The following DGKB variants were observed in gnomAD, a reference collection of about 807,000 sequenced individuals.
The protein encoded by DGKB is 90 kDa diacylglycerol kinase.
DGKB carries 67 observed loss-of-function variants against 114.3 expected under a neutral mutation model. The observed-to-expected ratio is 0.59, with a 90% CI of 0.48 to 0.72. The LOEUF (loss-of-function observed/expected upper bound fraction) is 0.72, where lower values mean the gene tolerates loss of function less well. Ranked by LOEUF, DGKB falls within the 30% of genes least tolerant of loss-of-function variation. The pLI is 0.00. For synonymous variants in DGKB, 398 were observed against 323.1 expected, an observed-to-expected ratio of 1.23 and a Z score of -2.49; for missense variants, 907 against 975.2, an observed-to-expected ratio of 0.93 and a Z score of 0.93.
intron 1 of DGKB, among the ~76,000 whole-genome samples, chr7:14,964,550 A>G (rs1787044091): frequency 6.6e-6 from 1 of 152,150 alleles, no homozygotes; most frequent in South Asian, 2.1e-4. Flanking sequence ...AGTATTACAG[A>G]CAGAATTTAG....
At chr7:14,261,283 T>C (rs1292054911) in intron 23 of DGKB, among the ~76,000 whole-genome samples, 4 of 152,030 alleles carry the variant, frequency 2.6e-5, no homozygotes, top group East Asian at 1.9e-4. Flanking sequence ...TTTTGTATCA[T>C]AGAAATAAAA....
chr7:14,737,339 G>C (rs1256544761), intron 4 of DGKB, among the ~76,000 whole-genome samples: 1 of 137,362 alleles, frequency 7.3e-6, no homozygotes, highest in Non-Finnish European at 1.5e-5. Context: ...TGAGATGCAA[G>C]AGGAAATTTG....
intron 1 of DGKB, among the ~76,000 whole-genome samples, chr7:14,935,505 A>C (rs1052560840): frequency 6.6e-6 from 1 of 152,184 alleles, no homozygotes; most frequent in African/African-American, 2.4e-5. Flanking sequence ...CCTTTTCATT[A>C]GTTATTTTCA....
chr7:14,345,541 AG>A (rs1219134225), intron 21 of DGKB, 150 bp from the exon 22 acceptor site: 1 of 539,522 alleles, frequency 1.9e-6, no homozygotes, highest in African/African-American at 1.9e-5. Context: ...TAATTTTCAA[AG>A]CTTAAATGTG....
chr7:14,910,572 TTAAC>T (rs1330942350), intron 1 of DGKB, among the ~76,000 whole-genome samples: 1 of 152,130 alleles, frequency 6.6e-6, no homozygotes, highest in African/African-American at 2.4e-5. Context: ...AACACCTTAT[TTAAC>T]TATTATAACT....
At chr7:14,753,474 T>G (rs1834402389) in intron 4 of DGKB, among the ~76,000 whole-genome samples, 1 of 151,820 alleles carries the variant, frequency 6.6e-6, no homozygotes, top group Admixed American at 6.6e-5. Context: ...TGCTTATGTT[T>G]CCCCCACATA....
At chr7:14,767,714 C>A (rs552963126) in intron 2 of DGKB, among the ~76,000 whole-genome samples, 2 of 151,642 alleles carry the variant, frequency 1.3e-5, no homozygotes, top group Non-Finnish European at 2.9e-5. Context: ...CTTTTGTGGG[C>A]AATAGAATTA....
chr7:14,859,116 A>T (rs766464409), intron 1 of DGKB, among the ~76,000 whole-genome samples: 2 of 152,172 alleles, frequency 1.3e-5, no homozygotes, highest in Non-Finnish European at 2.9e-5. Context: ...AAGAGAGAAC[A>T]GGAGAGAAGG....
intron 21 of DGKB, among the ~76,000 whole-genome samples, chr7:14,366,554 T>G (rs1816706286): frequency 6.6e-6 from 1 of 152,150 alleles, no homozygotes; most frequent in Admixed American, 6.6e-5. Context: ...TACAACACAT[T>G]ACTTTCACAT....
At chr7:14,161,551 CA>C (rs1330963381) in intron 25 of DGKB, among the ~76,000 whole-genome samples, 2 of 151,944 alleles carry the variant, frequency 1.3e-5, no homozygotes, top group East Asian at 3.9e-4. Flanking sequence ...TCATTATCAG[CA>C]AACTAACACA....
At chr7:14,954,943 A>C (rs879213019) in intron 1 of DGKB, among the ~76,000 whole-genome samples, 1 of 152,012 alleles carries the variant, frequency 6.6e-6, no homozygotes, top group Admixed American at 6.6e-5. Flanking sequence ...GCATACAAAG[A>C]TACACTGATC....
intron 23 of DGKB, among the ~76,000 whole-genome samples, chr7:14,289,205 A>G (rs1053347772): frequency 6.6e-6 from 1 of 151,830 alleles, no homozygotes. Flanking sequence ...GAAATGTTGC[A>G]TTGGTGACTC....
At chr7:14,886,985 C>T (rs975798733) in intron 1 of DGKB, among the ~76,000 whole-genome samples, 2 of 151,828 alleles carry the variant, frequency 1.3e-5, no homozygotes, top group Non-Finnish European at 2.9e-5. Flanking sequence ...TTTATTATCT[C>T]GTTAATACGG....
chr7:14,290,027 G>A lies in DGKB; in HGVS notation c.2122+48488C>T, dbSNP rs76125809. On this transcript the variant is annotated intron_variant, in intron 23 of 25. Transcript: ENST00000402815. The stretch of plus-strand genomic sequence containing the variant: ...TATATTCCAACCCAAAATATATGTA[G>A]CAAGTCTACAGATTTGTCATACAAC... Among the ~76,000 whole-genome samples the A allele has an allele frequency of 1.5e-3, 233 of 152,182 alleles. 3 individuals are homozygous for A. The highest frequency in any genetic ancestry group is 7.4e-5 in the Non-Finnish European group (5 of 68,016).
chr7:14,514,003 CT>C (rs905593742), intron 20 of DGKB, among the ~76,000 whole-genome samples: 40 of 151,742 alleles, frequency 2.6e-4, no homozygotes, highest in Non-Finnish European at 5.5e-4. Flanking sequence ...TAACATGTTA[CT>C]TTTTTTATCA....
intron 1 of DGKB, among the ~76,000 whole-genome samples, chr7:14,973,512 G>GT (rs1181306527): frequency 2.8e-4 from 37 of 130,432 alleles, no homozygotes; most frequent in Non-Finnish European, 4.6e-4. Flanking sequence ...TGTTTTGTTT[G>GT]TTTTTTGTTT....
At chr7:14,188,908 G>A (rs57265749) in intron 23 of DGKB, among the ~76,000 whole-genome samples, 2 of 151,840 alleles carry the variant, frequency 1.3e-5, no homozygotes, top group African/African-American at 4.8e-5. Context: ...AAAAAAAGCT[G>A]TCAGTTGAGA....
At chr7:14,709,300 A>G (rs1204642902) in intron 6 of DGKB, among the ~76,000 whole-genome samples, 2 of 148,996 alleles carry the variant, frequency 1.3e-5, no homozygotes, top group South Asian at 2.2e-4. Context: ...GGCAGTCATT[A>G]AAAAGTCAGG....
chr7:14,236,436 C>T (rs1345409723), intron 23 of DGKB, among the ~76,000 whole-genome samples: 1 of 151,414 alleles, frequency 6.6e-6, no homozygotes, highest in Non-Finnish European at 1.5e-5. Flanking sequence ...TCTTCTAGAA[C>T]ATAAAGTTAT....
Sources: allele counts gnomAD v4.1 joint callset (sites outside exome capture counted in the v4.1 genomes callset), GRCh38; gene constraint gnomAD v4.1.1; transcripts MANE v1.5; gene names NCBI Gene and HGNC (gene_info 2026-07-23, HGNC 2026-07-21).